Variants in EPHA5 observed in about 807,000 individuals in gnomAD.
EPHA5 encodes the protein ephrin type-A receptor 5.
EPHA5 carries 60 observed loss-of-function variants against 105.0 expected under a neutral mutation model. The ratio of observed to expected loss-of-function variants is 0.57; its 90% CI spans 0.46 to 0.71. The LOEUF is 0.71. Among genes scored for constraint, EPHA5 ranks in the 30% least tolerant of loss-of-function variants. The pLI is 0.00. For synonymous variants in EPHA5, 513 were observed against 449.1 expected (o/e 1.14, Z -1.80); for missense variants, 1,218 against 1,274.7 (o/e 0.96, Z 0.68).
intron 8 of EPHA5, chr4:65,377,185 T>C (rs1232406539): frequency 5.0e-6 from 4 of 800,834 alleles, no homozygotes; most frequent in African/African-American, 3.5e-5. Flanking sequence ...AACCTCTAAA[T>C]GCATACAATT....
At chr4:65,373,702 A>G (rs1381538704) in intron 8 of EPHA5, among the ~76,000 whole-genome samples, 1 of 151,956 alleles carries the variant, frequency 6.6e-6, no homozygotes, top group Non-Finnish European at 1.5e-5. Flanking sequence ...AAATTAAAAA[A>G]GTCTTTAAAA....
At chr4:65,391,312 AAGTC>A (rs2148956230) in intron 8 of EPHA5, among the ~76,000 whole-genome samples, 1 of 152,240 alleles carries the variant, frequency 6.6e-6, no homozygotes, top group Non-Finnish European at 1.5e-5. Flanking sequence ...GCAGTATACA[AAGTC>A]AGTCCTTCCA....
chr4:65,476,148 G>A (rs1337703208), intron 5 of EPHA5, among the ~76,000 whole-genome samples: 1 of 151,830 alleles, frequency 6.6e-6, no homozygotes, highest in African/African-American at 2.4e-5. Flanking sequence ...GTGTGTGTGT[G>A]TGTGTGTGTG....
chr4:65,669,385 C>T (rs893124691), intron 1 of EPHA5, 177 bp downstream of exon 1: 24 of 984,784 alleles, frequency 2.4e-5, no homozygotes, highest in Admixed American at 6.2e-5. Context: ...AACAATGCAA[C>T]CAAAAACCGC....
intron 5 of EPHA5, among the ~76,000 whole-genome samples, chr4:65,477,394 T>A: frequency 6.6e-6 from 1 of 151,920 alleles, no homozygotes; most frequent in East Asian, 1.9e-4. Flanking sequence ...TCACTTCATG[T>A]TTTTTGTTTG....
At chr4:65,406,230 G>A (rs1021902383) in intron 7 of EPHA5, among the ~76,000 whole-genome samples, 2 of 152,100 alleles carry the variant, frequency 1.3e-5, no homozygotes, top group East Asian at 3.9e-4. Context: ...AACTTACTAG[G>A]GTTAGTTCAA....
intron 5 of EPHA5, among the ~76,000 whole-genome samples, chr4:65,457,768 G>T (rs1037761273): frequency 2.6e-5 from 4 of 151,984 alleles, no homozygotes; most frequent in African/African-American, 9.7e-5. Flanking sequence ...AGATATTATG[G>T]CTAATGCTGT....
chr4:65,576,035 AAAGAAAGAAAGAAAGAAAG>A (rs1740907947), intron 3 of EPHA5, among the ~76,000 whole-genome samples: 1 of 121,990 alleles, frequency 8.2e-6, no homozygotes. Flanking sequence ...AGAAAGAAAG[AAAGAAAGAAAGAAAGAAAG>A]AAAGAAAAGA....
At position 65,364,807 on chromosome 4, in the gene EPHA5, A is replaced by G. The variant is rs1026389753; in HGVS notation, c.2173+210T>C. Among the ~76,000 whole-genome samples the G allele has an allele frequency of 4.0e-5, 6 of 151,728 alleles. No individual in the cohort carries two copies. In the South Asian group the frequency reaches 1.2e-3, roughly 31 times the overall value. ...TTGTCTGACATTGAATTCATAGCAA[A>G]TGGGTTAAAATATATATTTTAAAAG... is the stretch of plus-strand genomic sequence containing the variant. On this transcript the variant is annotated intron_variant, in intron 11 of 16. Coordinates refer to ENST00000613740, the MANE Select transcript of EPHA5 (RefSeq NM_001281766.3).
chr4:65,491,766 T>A (rs927065380), intron 4 of EPHA5, among the ~76,000 whole-genome samples: 1 of 152,060 alleles, frequency 6.6e-6, no homozygotes, highest in Non-Finnish European at 1.5e-5. Context: ...GAATTTCATA[T>A]ATTAAGGGTA....
intron 5 of EPHA5, among the ~76,000 whole-genome samples, chr4:65,473,087 C>A (rs1369697291): frequency 4.6e-5 from 7 of 152,170 alleles, no homozygotes; most frequent in African/African-American, 1.7e-4. Flanking sequence ...TAAAGCATAG[C>A]AAGAATGACC....
At chr4:65,346,127 AAAC>A (rs1449464228) in intron 14 of EPHA5, among the ~76,000 whole-genome samples, 1 of 149,130 alleles carries the variant, frequency 6.7e-6, no homozygotes, top group African/African-American at 2.5e-5. Context: ...TTAAAAAGTT[AAAC>A]ATTTTTTCAT....
chr4:65,437,681 G>T (rs764804048), intron 5 of EPHA5, among the ~76,000 whole-genome samples: 3 of 151,886 alleles, frequency 2.0e-5, no homozygotes, highest in Non-Finnish European at 4.4e-5. Flanking sequence ...ATTGGATTCA[G>T]AGTGAATCTA....
rs963138878 is a variant in EPHA5 at position 65,669,844 on chromosome 4, C to G, written c.-102G>C. 4.9e-6 allele frequency: 6 copies of G among 1,231,628 alleles called. No homozygotes were observed. Among genetic ancestry groups the G allele is most frequent in the African/African-American group, 1.6e-5 (1 of 64,424 alleles). 76.3% of individuals were successfully genotyped at this position (1,231,628 alleles called of 1,614,324 possible). A position where few individuals can be genotyped will look rare whatever the true frequency, so the allele number is the denominator to read the frequency against. ...AGACTCGGGAGTCCTCCTTGTCCCC[C>G]CTTGGGGTCCTACGCCTTCTGGCAC... is the stretch of plus-strand genomic sequence containing the variant. On this transcript the variant is annotated 5_prime_UTR_variant, in exon 1 of 17. Transcript: ENST00000613740.
rs560902400 is a variant in EPHA5, at chr4:65,482,878, T to C, written c.1402+7499A>G. 2.0e-5 allele frequency among the ~76,000 whole-genome samples: 3 copies of C among 151,414 alleles called. No individual in the cohort carries two copies. In the East Asian group the frequency reaches 5.9e-4, roughly 30 times the overall value. On this transcript the variant is annotated intron_variant, in intron 5 of 16. Coordinates refer to ENST00000613740, the MANE Select transcript of EPHA5 (RefSeq NM_001281766.3). ...AGAGGATCTTTTTTTTTTATTATTATACTTTAAGTTCTAGGGTACATGTGC... is the reference window on the plus strand; with the variant it reads ...AGAGGATCTTTTTTTTTTATTATTACACTTTAAGTTCTAGGGTACATGTGC...
chr4:65,613,465 A>C (rs1311107793), intron 2 of EPHA5, among the ~76,000 whole-genome samples: 1 of 152,208 alleles, frequency 6.6e-6, no homozygotes, highest in Non-Finnish European at 1.5e-5. Context: ...TGCTTTGGGC[A>C]GTATGGTCAT....
intron 1 of EPHA5, among the ~76,000 whole-genome samples, chr4:65,664,541 T>C (rs1042250853): frequency 7.9e-5 from 12 of 151,958 alleles, no homozygotes; most frequent in African/African-American, 2.7e-4. Flanking sequence ...ATAGAACATA[T>C]GATAAATTTT....
intron 7 of EPHA5, among the ~76,000 whole-genome samples, chr4:65,413,704 AG>A (rs1202255988): frequency 6.6e-6 from 1 of 152,188 alleles, no homozygotes; most frequent in African/African-American, 2.4e-5. Context: ...AGGGCAAGTA[AG>A]TAACATAAAT....
intron 5 of EPHA5, among the ~76,000 whole-genome samples, chr4:65,458,170 T>A (rs2149124296): frequency 6.6e-6 from 1 of 152,150 alleles, no homozygotes; most frequent in African/African-American, 2.4e-5. Flanking sequence ...AAGATATTTT[T>A]GCATTTCAAA....
Sources: gnomAD v4.1 joint callset for allele counts (sites outside exome capture counted in the v4.1 genomes callset) on GRCh38, gnomAD v4.1.1 for gene constraint, MANE v1.5 for transcripts, NCBI Gene and HGNC (gene_info 2026-07-23, HGNC 2026-07-21) for gene names.